Variants in FARSB observed in about 807,000 individuals in gnomAD.
FARSB encodes the protein phenylalanine--tRNA ligase beta subunit.
Under a neutral mutation model 69.6 loss-of-function variants are expected in FARSB, and 40 were observed. That is an observed-to-expected ratio of 0.57 (90% CI 0.45 to 0.75). The LOEUF (loss-of-function observed/expected upper bound fraction) is 0.75, where lower values mean the gene tolerates loss of function less well. FARSB is among the 30% of genes least tolerant of loss of function. FARSB has a pLI of 0.00. For synonymous variants in FARSB, 235 were observed against 247.2 expected, an observed-to-expected ratio of 0.95 and a Z score of 0.46; for missense variants, 632 against 722.9, an observed-to-expected ratio of 0.87 and a Z score of 1.44.
chr2:222,617,353 GAA>G lies in FARSB; in HGVS notation c.1344+2290_1344+2291del, dbSNP rs1382631141. Among the ~76,000 whole-genome samples, 3 of 152,260 alleles carry G rather than the reference GAA, an allele frequency of 2.0e-5. No homozygotes were observed. In the East Asian group the frequency reaches 5.8e-4, roughly 29 times the overall value. ...ATTTTCCTTCCACTTATATAAAATA[GAA>G]AAGACAGGATGTAAATCCTGAAGAA... On this transcript the variant is annotated intron_variant, in intron 14 of 16. Coordinates refer to ENST00000281828, the MANE Select transcript of FARSB (RefSeq NM_005687.5).
In FARSB at chr2:222,570,352, T is replaced by TTA. The variant is rs1251431348; in HGVS notation, c.*1517_*1518dup. On this transcript the variant is annotated 3_prime_UTR_variant, in exon 17 of 17. Coordinates refer to ENST00000281828, the MANE Select transcript of FARSB (RefSeq NM_005687.5). Reference sequence around the variant, plus strand: ...TTTTTAAAATGTTGTAAGGATCTGCTTATAACAGAGCTGTGAAGGGTCAGC... The same window carrying TTA: ...TTTTTAAAATGTTGTAAGGATCTGCTTATATAACAGAGCTGTGAAGGGTCAGC... Among the ~76,000 whole-genome samples the TTA allele has an allele frequency of 3.9e-5, 6 of 152,214 alleles. No individual in the cohort carries two copies. Among genetic ancestry groups the TTA allele is most frequent in the Non-Finnish European group, 8.8e-5 (6 of 68,034 alleles).
intron 13 of FARSB, among the ~76,000 whole-genome samples, chr2:222,621,450 T>C (rs1199534773): frequency 3.3e-5 from 5 of 152,160 alleles, no homozygotes; most frequent in African/African-American, 1.2e-4. Context: ...CTCGAACTTG[T>C]AGCCTCAAGT....
intron 9 of FARSB, among the ~76,000 whole-genome samples, chr2:222,629,402 T>G (rs1691360543): frequency 6.6e-6 from 1 of 152,222 alleles, no homozygotes; most frequent in South Asian, 2.1e-4. Context: ...AAATATGCTT[T>G]GGAAAAAATA....
intron 7 of FARSB, among the ~76,000 whole-genome samples, chr2:222,632,619 G>T (rs1326430592): frequency 7.2e-5 from 11 of 152,146 alleles, no homozygotes; most frequent in Non-Finnish European, 1.5e-5. Context: ...GGAATTAAGA[G>T]GGCAAAATTT....
chr2:222,634,422 T>C lies in FARSB; in HGVS notation c.575A>G (p.Tyr192Cys). Reference sequence around the variant, plus strand: ...TATGTTCATCAGTTCACAGGCTGTATACTCCTTGGTCTTATTTAGAGGCTT... The same window carrying C: ...TATGTTCATCAGTTCACAGGCTGTACACTCCTTGGTCTTATTTAGAGGCTT... ...KFKPLNKTKE[Y>C]TACELMNIYK... is the part of the protein sequence containing the mutation. The change falls in exon 6 of 17, where the codon TAT (tyrosine) becomes TGT (cysteine). Residue 192 changes from tyrosine to cysteine, a missense_variant. Tyr to Cys is a radical substitution (Grantham distance 194). Coordinates refer to ENST00000281828, the MANE Select transcript of FARSB (RefSeq NM_005687.5). 6.2e-7 allele frequency: 1 copy of C among 1,609,710 alleles called. No homozygotes were observed. The highest frequency in any genetic ancestry group is 8.5e-7 in the Non-Finnish European group (1 of 1,177,220).
At chr2:222,616,545 C>CAAAAAAAAAA (rs11447332) in intron 14 of FARSB, among the ~76,000 whole-genome samples, 2 of 74,108 alleles carry the variant, frequency 2.7e-5, no homozygotes, top group Non-Finnish European at 2.4e-5. Context: ...GACTCCATCT[C>CAAAAAAAAAA]AAAAAAAAAA....
In FARSB at chr2:222,594,893, CAT is replaced by C. The variant is rs530428449; in HGVS notation, c.1618+5033_1618+5034del. Among the ~76,000 whole-genome samples, 211 of 152,346 alleles carry C rather than the reference CAT, an allele frequency of 1.4e-3. 1 individual carries two copies. Among genetic ancestry groups the C allele is most frequent in the African/African-American group, 2.7e-3 (114 of 41,580 alleles). On this transcript the variant is annotated intron_variant, in intron 16 of 16. Transcript: ENST00000281828. ...AAAAACAAGGCAGGGCTAAGTGACT[CAT>C]GTGATGATTGCTGAAGCTTCTATAA... is the stretch of plus-strand genomic sequence containing the variant.
rs150963535 is a variant in FARSB at position 222,596,272 on chromosome 2, T to C, written c.1618+3656A>G. Among the ~76,000 whole-genome samples the C allele has an allele frequency of 2.8e-3, 420 of 152,240 alleles. 1 individual carries two copies. Among genetic ancestry groups the C allele is most frequent in the Non-Finnish European group, 4.8e-3 (325 of 68,018 alleles). ...ACGCTCCAATGTCAACAAAACTCCA[T>C]AGGTTAATGCGAAGATCAATCAGAT... On this transcript the variant is annotated intron_variant, in intron 16 of 16. Transcript: ENST00000281828.
chr2:222,635,188 T>C lies in FARSB; in HGVS notation c.456-647A>G, dbSNP rs2106231216. On this transcript the variant is annotated intron_variant, in intron 5 of 16. Transcript: ENST00000281828. ...AAAATAGGAGAGAAAGAAATAGAAG[T>C]AGGGATGTAAAACCGAGCCAGGAAA... 1.3e-5 allele frequency among the ~76,000 whole-genome samples: 2 copies of C among 152,244 alleles called. 1 individual carries two copies. Among genetic ancestry groups the C allele is most frequent in the South Asian group, 4.1e-4 (2 of 4,830 alleles).
intron 5 of FARSB, among the ~76,000 whole-genome samples, chr2:222,637,061 A>T (rs542775789): frequency 3.3e-5 from 5 of 152,258 alleles, no homozygotes; most frequent in Non-Finnish European, 5.9e-5. Context: ...TATTTTTTTT[A>T]AAAGGCAGTG....
intron 15 of FARSB, among the ~76,000 whole-genome samples, chr2:222,606,097 G>A (rs968191066): frequency 6.6e-5 from 10 of 151,980 alleles, no homozygotes; most frequent in African/African-American, 1.9e-4. Flanking sequence ...TAAGCCCACC[G>A]TAATAATTAG....
At chr2:222,618,999 G>A (rs902285325) in intron 14 of FARSB, among the ~76,000 whole-genome samples, 10 of 151,986 alleles carry the variant, frequency 6.6e-5, no homozygotes, top group Non-Finnish European at 1.0e-4. Context: ...AAAATTAGCC[G>A]GGCGTAGTGG....
At chr2:222,637,085 A>C (rs1399191522) in intron 5 of FARSB, among the ~76,000 whole-genome samples, 1 of 152,250 alleles carries the variant, frequency 6.6e-6, no homozygotes, top group Non-Finnish European at 1.5e-5. Flanking sequence ...TGCAGAGATG[A>C]AAAGTAAAAT....
chr2:222,588,185 G>A (rs1167587192), intron 16 of FARSB, among the ~76,000 whole-genome samples: 3 of 152,180 alleles, frequency 2.0e-5, no homozygotes, highest in African/African-American at 2.4e-5. Context: ...CTTCATCCCT[G>A]GGATGCAAGG....
chr2:222,616,736 A>T (rs185966896), intron 14 of FARSB, among the ~76,000 whole-genome samples: 1 of 152,174 alleles, frequency 6.6e-6, no homozygotes, highest in Non-Finnish European at 1.5e-5. Flanking sequence ...ATTCTCCAAC[A>T]TATTTACTAT....
intron 15 of FARSB, among the ~76,000 whole-genome samples, chr2:222,611,751 A>G (rs1690859206): frequency 6.6e-6 from 1 of 152,154 alleles, no homozygotes; most frequent in Admixed American, 6.5e-5. Flanking sequence ...TTTCCAACAA[A>G]CACAAATTAA....
At chr2:222,582,711 G>A (rs1401385946) in intron 16 of FARSB, among the ~76,000 whole-genome samples, 1 of 152,080 alleles carries the variant, frequency 6.6e-6, no homozygotes, top group African/African-American at 2.4e-5. Flanking sequence ...GATCACTTGA[G>A]GTCAGGAGTC....
At chr2:222,590,898 C>CA (rs1376402075) in intron 16 of FARSB, among the ~76,000 whole-genome samples, 1 of 151,806 alleles carries the variant, frequency 6.6e-6, no homozygotes, top group Admixed American at 6.6e-5. Context: ...TTTATAATAA[C>CA]AAAGTTTAAA....
chr2:222,656,034 C>T lies in FARSB; in HGVS notation c.40G>A (p.Ala14Thr), dbSNP rs372695969. The stretch of plus-strand genomic sequence containing the variant: ...CACTCACTGTAGGTGCGGCCCAGGG[C>T]TTGGAAGAGCAGATCACGCTTCACG... ...VSVKRDLLFQ[A>T]LGRTYTDEEF... The change falls in exon 1 of 17, where the codon GCC (alanine) becomes ACC (threonine). Residue 14 changes from alanine (A) to threonine (T), a missense_variant. Transcript: ENST00000281828. 8.8e-6 allele frequency: 14 copies of T among 1,596,506 alleles called. No homozygotes were observed. Among genetic ancestry groups the T allele is most frequent in the South Asian group, 4.5e-5 (4 of 88,980 alleles).
Sources: allele counts gnomAD v4.1 joint callset (sites outside exome capture counted in the v4.1 genomes callset), GRCh38; gene constraint gnomAD v4.1.1; transcripts MANE v1.5; gene names NCBI Gene and HGNC (gene_info 2026-07-23, HGNC 2026-07-21).